SGCD: variants seen among roughly 807,000 people sequenced by gnomAD.
SGCD encodes the protein sarcoglycan delta.
In SGCD, 18 loss-of-function variants were observed where a neutral mutation model predicts 36.6. The ratio of observed to expected loss-of-function variants is 0.49; its 90% CI spans 0.34 to 0.73. The LOEUF is 0.73. Among genes scored for constraint, SGCD ranks in the 30% least tolerant of loss-of-function variants. The pLI is 0.01. For synonymous variants in SGCD, 133 were observed against 130.6 expected, an observed-to-expected ratio of 1.02 and a Z score of -0.12; for missense variants, 387 against 346.7, an observed-to-expected ratio of 1.12 and a Z score of -0.92.
At chr5:156,157,028 C>G (rs1340737838) in intron 3 of SGCD, among the ~76,000 whole-genome samples, 1 of 151,472 alleles carries the variant, frequency 6.6e-6, no homozygotes, top group African/African-American at 2.4e-5. Flanking sequence ...GTTCTTAATG[C>G]TTATGTGAGC....
chr5:156,201,777 G>A (rs1278724643), intron 3 of SGCD, among the ~76,000 whole-genome samples: 4 of 151,748 alleles, frequency 2.6e-5, no homozygotes, highest in African/African-American at 7.3e-5. Context: ...CTCAGCTCGA[G>A]CCAGGGATAT....
At chr5:156,146,086 G>A (rs113938203) in intron 3 of SGCD, among the ~76,000 whole-genome samples, 2,507 of 152,182 alleles carry the variant, frequency 0.016, 72 homozygotes, top group African/African-American at 0.057. Flanking sequence ...AGTTGTGGGC[G>A]CCTGTAGTCC....
At chr5:156,686,666 T>C (rs1581398405) in intron 7 of SGCD, among the ~76,000 whole-genome samples, 1 of 152,306 alleles carries the variant, frequency 6.6e-6, no homozygotes, top group South Asian at 2.1e-4. Context: ...CAGCAGCTGA[T>C]TATTAAATTT....
At chr5:156,671,176 T>G (rs1315491061) in intron 7 of SGCD, among the ~76,000 whole-genome samples, 1 of 144,794 alleles carries the variant, frequency 6.9e-6, no homozygotes, top group African/African-American at 2.5e-5. Context: ...TTTTCCACAT[T>G]AAAAAAAAAA....
chr5:156,252,466 C>G (rs1765607309), intron 3 of SGCD, among the ~76,000 whole-genome samples: 1 of 152,116 alleles, frequency 6.6e-6, no homozygotes, highest in Non-Finnish European at 1.5e-5. Flanking sequence ...TTGTGGATGT[C>G]TAAGTATTTT....
At chr5:155,916,977 G>A (rs1756757170) in intron 1 of SGCD, among the ~76,000 whole-genome samples, 1 of 152,122 alleles carries the variant, frequency 6.6e-6, no homozygotes, top group African/African-American at 2.4e-5. Flanking sequence ...CTTAAACTGT[G>A]ACATTCTTGC....
intron 3 of SGCD, among the ~76,000 whole-genome samples, chr5:156,475,491 T>C (rs541646874): frequency 6.6e-6 from 1 of 152,168 alleles, no homozygotes; most frequent in Non-Finnish European, 1.5e-5. Context: ...ACAGTGCATC[T>C]CTTATTTAGA....
chr5:155,928,881 G>A (rs1757046960), intron 1 of SGCD, among the ~76,000 whole-genome samples: 1 of 152,026 alleles, frequency 6.6e-6, no homozygotes, highest in Admixed American at 6.6e-5. Context: ...CTTTAAATAT[G>A]TATGAATTCC....
intron 4 of SGCD, among the ~76,000 whole-genome samples, chr5:156,582,820 C>CAT (rs1760330573): frequency 6.6e-6 from 1 of 151,920 alleles, no homozygotes; most frequent in Admixed American, 6.5e-5. Context: ...CATGTGCACG[C>CAT]GCACACACAC....
intron 3 of SGCD, among the ~76,000 whole-genome samples, chr5:156,233,576 G>A (rs1288135621): frequency 6.6e-6 from 1 of 152,192 alleles, no homozygotes; most frequent in Non-Finnish European, 1.5e-5. Flanking sequence ...GAGAATCTGA[G>A]GGGGATGGGA....
At chr5:156,585,437 T>C (rs1760452909) in intron 4 of SGCD, among the ~76,000 whole-genome samples, 1 of 152,196 alleles carries the variant, frequency 6.6e-6, no homozygotes, top group African/African-American at 2.4e-5. Flanking sequence ...TGAAAATGAT[T>C]TTAATGACAA....
At chr5:155,767,965 T>C in the SGCD span, among the ~76,000 whole-genome samples, 1 of 152,194 alleles carries the variant, frequency 6.6e-6, no homozygotes, top group African/African-American at 2.4e-5. Context: ...ATATGTATTA[T>C]ATATAGAATT....
intron 1 of SGCD, among the ~76,000 whole-genome samples, chr5:156,032,706 CAAAAAAAAAAAAAAA>C (rs1171072619): frequency 4.0e-4 from 6 of 15,068 alleles, no homozygotes; most frequent in South Asian, 0.012. Flanking sequence ...GACTCCGTCT[CAAAAAAAAAAAAAAA>C]AAAAAAAAAA....
intron 4 of SGCD, among the ~76,000 whole-genome samples, chr5:156,566,226 C>T (rs1422411039): frequency 6.6e-6 from 1 of 152,112 alleles, no homozygotes; most frequent in Non-Finnish European, 1.5e-5. Flanking sequence ...CATTTTTACA[C>T]TGTTGGTGAG....
intron 3 of SGCD, among the ~76,000 whole-genome samples, chr5:156,371,617 CTT>C (rs1342695552): frequency 6.6e-6 from 1 of 152,152 alleles, no homozygotes; most frequent in African/African-American, 2.4e-5. Context: ...AAATGTGAGT[CTT>C]TTCCTTGATC....
chr5:156,246,502 C>T (rs1381713781), intron 3 of SGCD, among the ~76,000 whole-genome samples: 3 of 151,804 alleles, frequency 2.0e-5, no homozygotes, highest in African/African-American at 4.8e-5. Flanking sequence ...ATGAGAAATT[C>T]GATTTTTAAT....
At chr5:156,205,846 C>A (rs952830863) in intron 3 of SGCD, among the ~76,000 whole-genome samples, 9 of 151,780 alleles carry the variant, frequency 5.9e-5, no homozygotes, top group African/African-American at 1.9e-4. Flanking sequence ...GTCGTCCTAG[C>A]TCCATTACAG....
intron 6 of SGCD, among the ~76,000 whole-genome samples, chr5:156,598,879 G>A (rs1761048601): frequency 6.6e-6 from 1 of 152,178 alleles, no homozygotes; most frequent in Non-Finnish European, 1.5e-5. Context: ...TCACTTCAAA[G>A]CAGGTGGGTA....
intron 1 of SGCD, among the ~76,000 whole-genome samples, chr5:155,874,679 G>A (rs532324395): frequency 2.2e-4 from 33 of 152,094 alleles, no homozygotes; most frequent in South Asian, 4.1e-4. Context: ...ATTAGTCACC[G>A]GGGGAGATGC....
Sources: gnomAD v4.1 joint callset for allele counts (sites outside exome capture counted in the v4.1 genomes callset) on GRCh38, gnomAD v4.1.1 for gene constraint, MANE v1.5 for transcripts, NCBI Gene and HGNC (gene_info 2026-07-23, HGNC 2026-07-21) for gene names.